PRKCB: variants seen among roughly 807,000 people sequenced by gnomAD.
The protein encoded by PRKCB is protein kinase C beta type.
PRKCB carries 13 observed loss-of-function variants against 81.5 expected under a neutral mutation model. The observed-to-expected ratio is 0.16, with a 90% CI of 0.10 to 0.25. PRKCB has a LOEUF of 0.25. Ranked by LOEUF, PRKCB falls within the 10% of genes least tolerant of loss-of-function variation. The pLI is 1.00. For synonymous variants in PRKCB, 335 were observed against 321.4 expected, an observed-to-expected ratio of 1.04 and a Z score of -0.45; for missense variants, 509 against 875.7, an observed-to-expected ratio of 0.58 and a Z score of 5.29.
At chr16:23,942,553 T>C (rs1964152539) in intron 2 of PRKCB, among the ~76,000 whole-genome samples, 1 of 152,234 alleles carries the variant, frequency 6.6e-6, no homozygotes, top group African/African-American at 2.4e-5. Context: ...TTTATTTTTG[T>C]CTACTTTTCT....
intron 2 of PRKCB, among the ~76,000 whole-genome samples, chr16:23,845,656 G>T (rs545338996): frequency 1.3e-5 from 2 of 152,312 alleles, no homozygotes; most frequent in East Asian, 3.9e-4. Flanking sequence ...ACTTATCTTT[G>T]TGACATTCTA....
intron 15 of PRKCB, among the ~76,000 whole-genome samples, chr16:24,187,361 G>A (rs1398079861): frequency 6.6e-6 from 1 of 152,230 alleles, no homozygotes; most frequent in African/African-American, 2.4e-5. Context: ...CCTTGGGGAA[G>A]TTGTTTGACG....
At chr16:24,026,673 A>G (rs1205731970) in intron 3 of PRKCB, among the ~76,000 whole-genome samples, 3 of 152,220 alleles carry the variant, frequency 2.0e-5, no homozygotes, top group African/African-American at 7.2e-5. Context: ...AGAAGGGACC[A>G]CAAGAGCCAA....
chr16:23,864,864 G>T (rs1962745094), intron 2 of PRKCB, among the ~76,000 whole-genome samples: 1 of 152,162 alleles, frequency 6.6e-6, no homozygotes, highest in Non-Finnish European at 1.5e-5. Context: ...CTGATAGGTA[G>T]TTTTTTGACC....
Position 24,218,581 on chromosome 16 carries a change from T to G in PRKCB, c.*3765T>G. 1.0e-6 allele frequency: 1 copy of G among 985,364 alleles called. No individual in the cohort carries two copies. Among genetic ancestry groups the G allele is most frequent in the Non-Finnish European group, 1.2e-6 (1 of 829,960 alleles). The allele number at this position is 985,364 out of a possible 1,614,324, so 61.0% of individuals were successfully genotyped here. On this transcript the variant is annotated 3_prime_UTR_variant, in exon 17 of 17. Transcript: ENST00000643927. ...ACTCCATAGAGACATTTTACCTATC[T>G]CAGGGGAGCAGCCACAAAGAAGCAA... is the stretch of plus-strand genomic sequence containing the variant.
intron 3 of PRKCB, among the ~76,000 whole-genome samples, chr16:23,991,946 C>T (rs1964891388): frequency 6.6e-6 from 1 of 152,182 alleles, no homozygotes; most frequent in Non-Finnish European, 1.5e-5. Context: ...ATCCTGAAAT[C>T]CTAACACCCA....
intron 9 of PRKCB, among the ~76,000 whole-genome samples, chr16:24,139,581 C>T (rs1207592099): frequency 3.3e-5 from 5 of 152,172 alleles, no homozygotes; most frequent in East Asian, 1.9e-4. Flanking sequence ...TTCTAAACTT[C>T]GTTTCACACT....
At position 24,218,792 on chromosome 16, in the gene PRKCB, T is replaced by C; in HGVS notation, c.*3976T>C. ...GGCAACTTTGGCTGCAGCCCGGGAA[T>C]GTGCAGGGCACTAGGGAATACAAGG... On this transcript the variant is annotated 3_prime_UTR_variant, in exon 17 of 17. Coordinates refer to ENST00000643927, the MANE Select transcript of PRKCB (RefSeq NM_002738.7). 1.0e-6 allele frequency: 1 copy of C among 985,342 alleles called. No homozygotes were observed. Among genetic ancestry groups the C allele is most frequent in the South Asian group, 4.7e-5 (1 of 21,276 alleles). 61.0% of individuals were successfully genotyped at this position (985,342 alleles called of 1,614,324 possible).
intron 9 of PRKCB, among the ~76,000 whole-genome samples, chr16:24,132,113 A>C (rs1339482043): frequency 6.6e-6 from 1 of 151,918 alleles, no homozygotes; most frequent in East Asian, 1.9e-4. Context: ...CTCTTTGGAG[A>C]TTTTCTACCT....
intron 5 of PRKCB, among the ~76,000 whole-genome samples, chr16:24,047,920 A>C (rs1429300909): frequency 2.0e-5 from 3 of 152,222 alleles, no homozygotes; most frequent in Non-Finnish European, 4.4e-5. Flanking sequence ...GGCTGGAGGC[A>C]TTCCAGGTAG....
intron 10 of PRKCB, among the ~76,000 whole-genome samples, chr16:24,169,025 C>T (rs1351117743): frequency 6.6e-6 from 1 of 152,066 alleles, no homozygotes; most frequent in African/African-American, 2.4e-5. Context: ...GTTTGCAGCC[C>T]TGTGTATGTT....
At chr16:23,845,370 TA>T (rs879292859) in intron 2 of PRKCB, among the ~76,000 whole-genome samples, 132 of 143,998 alleles carry the variant, frequency 9.2e-4, no homozygotes, top group Non-Finnish European at 8.7e-4. Context: ...GTCTGGGAAT[TA>T]AAAAAAAAAA....
intron 11 of PRKCB, 93 bp downstream of exon 11, chr16:24,172,454 T>C: frequency 1.0e-6 from 1 of 1,004,414 alleles, no homozygotes; most frequent in Non-Finnish European, 1.5e-6. Flanking sequence ...GAGGGATCTT[T>C]AAACACCTCG....
At chr16:24,139,901 C>T (rs1208530464) in intron 9 of PRKCB, among the ~76,000 whole-genome samples, 1 of 152,168 alleles carries the variant, frequency 6.6e-6, no homozygotes, top group East Asian at 1.9e-4. Context: ...GTGCTGCAGT[C>T]CTACCTACAT....
chr16:24,046,373 G>C, intron 5 of PRKCB, among the ~76,000 whole-genome samples: 1 of 152,222 alleles, frequency 6.6e-6, no homozygotes, highest in African/African-American at 2.4e-5. Context: ...TGTGCTCATG[G>C]CCTCTGCCTT....
chr16:23,900,464 G>A (rs963848837), intron 2 of PRKCB, among the ~76,000 whole-genome samples: 1 of 152,064 alleles, frequency 6.6e-6, no homozygotes, highest in Non-Finnish European at 1.5e-5. Context: ...GTACAACAAG[G>A]TATACAGTGA....
intron 2 of PRKCB, among the ~76,000 whole-genome samples, chr16:23,859,673 G>T (rs1288596470): frequency 6.6e-6 from 1 of 152,120 alleles, no homozygotes; most frequent in East Asian, 1.9e-4. Flanking sequence ...TGTCAGTGAG[G>T]TGCGGGGAGA....
At chr16:24,113,300 C>T (rs765044160) in intron 8 of PRKCB, among the ~76,000 whole-genome samples, 11 of 148,210 alleles carry the variant, frequency 7.4e-5, no homozygotes, top group Non-Finnish European at 1.2e-4. Context: ...CTTGCTTTCT[C>T]GCTTTCTTCC....
intron 5 of PRKCB, among the ~76,000 whole-genome samples, chr16:24,056,279 C>T (rs1048263036): frequency 1.9e-4 from 29 of 152,248 alleles, no homozygotes; most frequent in African/African-American, 6.5e-4. Context: ...CTGGGCTAAT[C>T]ACCATCTCTG....
Sources: allele counts gnomAD v4.1 joint callset (sites outside exome capture counted in the v4.1 genomes callset), GRCh38; gene constraint gnomAD v4.1.1; transcripts MANE v1.5; gene names NCBI Gene and HGNC (gene_info 2026-07-23, HGNC 2026-07-21).